MGAT4C: variants seen among roughly 807,000 people sequenced by gnomAD.
The protein encoded by MGAT4C is MGAT4 family member C.
Under a neutral mutation model 40.1 loss-of-function variants are expected in MGAT4C, and 19 were observed. That is an observed-to-expected ratio of 0.47 (90% CI 0.33 to 0.70). The LOEUF (loss-of-function observed/expected upper bound fraction) is 0.70, where lower values mean the gene tolerates loss of function less well. Ranked by LOEUF, MGAT4C falls within the 30% of genes least tolerant of loss-of-function variation. The pLI, the probability that MGAT4C is intolerant of heterozygous loss-of-function variation, is 0.02. For synonymous variants in MGAT4C, 181 were observed against 187.1 expected (o/e 0.97, Z 0.27); for missense variants, 491 against 563.2 (o/e 0.87, Z 1.30).
In MGAT4C at chr12:85,977,213, G is replaced by A. The variant is rs1407772992; in HGVS notation, c.*2076C>T. ...TAGAAAGCCATTCCCAGAAGAATAT[G>A]TAAGGGGTTACAACTCATTTCAGGG... On this transcript the variant is annotated 3_prime_UTR_variant, in exon 5 of 5. Transcript: ENST00000611864. The A allele has an allele frequency of 6.6e-6, 1 of 151,442 alleles. No homozygotes were observed. The highest frequency in any genetic ancestry group is 1.9e-4 in the East Asian group (1 of 5,168). The allele number at this position is 151,442 out of a possible 1,614,324, so 9.4% of individuals were successfully genotyped here. A position where few individuals can be genotyped will look rare whatever the true frequency, so the allele number is the denominator to read the frequency against.
At chr12:86,273,164 G>A (rs1334737930) in intron 4 of MGAT4C, among the ~76,000 whole-genome samples, 2 of 152,128 alleles carry the variant, frequency 1.3e-5, no homozygotes, top group East Asian at 3.9e-4. Flanking sequence ...ATGTAGCATG[G>A]ATGTTGATTA....
At chr12:86,029,426 C>T (rs1211205649) in intron 2 of MGAT4C, among the ~76,000 whole-genome samples, 1 of 151,820 alleles carries the variant, frequency 6.6e-6, no homozygotes. Context: ...CTTATGTAAA[C>T]TGGTTGGACA....
At chr12:86,152,312 G>A (rs1458941738) in intron 1 of MGAT4C, among the ~76,000 whole-genome samples, 1 of 152,220 alleles carries the variant, frequency 6.6e-6, no homozygotes, top group East Asian at 1.9e-4. Context: ...CAGGTTCAGT[G>A]TCTGGTGAGA....
chr12:86,105,561 G>T (rs1056020565), intron 1 of MGAT4C, among the ~76,000 whole-genome samples: 6 of 152,084 alleles, frequency 3.9e-5, no homozygotes, highest in Admixed American at 3.3e-4. Context: ...GGAGAGGGAA[G>T]AACAGAACTG....
Position 85,979,570 on chromosome 12 carries a change from G to A in MGAT4C, c.1156C>T (p.Pro386Ser). 6.2e-7 allele frequency: 1 copy of A among 1,607,244 alleles called. No individual in the cohort carries two copies. The highest frequency in any genetic ancestry group is 8.5e-7 in the Non-Finnish European group (1 of 1,177,328). The change falls in exon 5 of 5, where the codon CCA (proline) becomes TCA (serine). Residue 386 changes from proline to serine, a missense_variant. By Grantham distance (74) the Pro-to-Ser change is moderately conservative. Transcript: ENST00000611864. The part of the protein sequence containing the change: ...GDVFVIVFEN[P>S]IIIKKIKVNT... ...ACTTTAATTTTTTTTATTATAATTG[G>A]ATTTTCAAATACAATCACAAAAACA...
intron 2 of MGAT4C, among the ~76,000 whole-genome samples, chr12:86,497,001 A>C (rs995394608): frequency 1.3e-5 from 2 of 152,062 alleles, no homozygotes; most frequent in Non-Finnish European, 2.9e-5. Context: ...ACCTCTATTT[A>C]CAGTTTCAAA....
intron 4 of MGAT4C, among the ~76,000 whole-genome samples, chr12:86,309,659 T>C (rs1954021193): frequency 6.6e-6 from 1 of 152,242 alleles, no homozygotes; most frequent in Non-Finnish European, 1.5e-5. Context: ...TTTTGGGGGA[T>C]ACATGCAAAC....
At chr12:86,792,162 G>T (rs2136193926) in intron 1 of MGAT4C, among the ~76,000 whole-genome samples, 1 of 152,150 alleles carries the variant, frequency 6.6e-6, no homozygotes, top group African/African-American at 2.4e-5. Flanking sequence ...CAAAAATTAG[G>T]TCAATTTAAA....
intron 2 of MGAT4C, among the ~76,000 whole-genome samples, chr12:86,716,762 C>T (rs891994824): frequency 6.6e-6 from 1 of 151,982 alleles, no homozygotes; most frequent in Non-Finnish European, 1.5e-5. Flanking sequence ...TAGGGAGATG[C>T]CAGTTACCAA....
chr12:86,250,484 C>T (rs1011415315), intron 1 of MGAT4C, among the ~76,000 whole-genome samples: 13 of 148,584 alleles, frequency 8.7e-5, no homozygotes, highest in Non-Finnish European at 1.6e-4. Flanking sequence ...ACTTCATCAC[C>T]AATATGAGAC....
chr12:86,535,842 T>G (rs1239187466), intron 2 of MGAT4C, among the ~76,000 whole-genome samples: 2 of 152,090 alleles, frequency 1.3e-5, no homozygotes, highest in African/African-American at 2.4e-5. Flanking sequence ...ATTATACTCT[T>G]CAAGCCTTTA....
At chr12:86,811,953 A>G (rs970489429) in intron 1 of MGAT4C, among the ~76,000 whole-genome samples, 3 of 152,252 alleles carry the variant, frequency 2.0e-5, no homozygotes, top group Admixed American at 6.5e-5. Context: ...ACTTCATGCT[A>G]TACATTTTTC....
intron 2 of MGAT4C, among the ~76,000 whole-genome samples, chr12:86,698,123 A>T (rs1950292225): frequency 6.6e-6 from 1 of 152,110 alleles, no homozygotes; most frequent in Admixed American, 6.6e-5. Context: ...TTGTAACTGA[A>T]TCTTGAGAAA....
At chr12:86,787,396 C>T (rs1372935076) in intron 1 of MGAT4C, among the ~76,000 whole-genome samples, 1 of 151,866 alleles carries the variant, frequency 6.6e-6, no homozygotes, top group Non-Finnish European at 1.5e-5. Context: ...GAGTCGATTC[C>T]ATATTTTTTC....
chr12:86,439,497 T>C lies in MGAT4C; in HGVS notation c.-228-4232A>G, dbSNP rs941687092. Among the ~76,000 whole-genome samples, 13 of 151,996 alleles carry C rather than the reference T, an allele frequency of 8.6e-5. 1 individual carries two copies. Among genetic ancestry groups the C allele is most frequent in the African/African-American group, 2.4e-5 (1 of 41,408 alleles). ...AACGCAATGCTAAGAGGAAAGTCTA[T>C]AGCACTAAATACCTACATCAAAAAG... is the stretch of plus-strand genomic sequence containing the variant. On this transcript the variant is annotated intron_variant, in intron 2 of 7. Coordinates refer to the MGAT4C transcript ENST00000548651.
chr12:86,288,313 G>T (rs1047798550), intron 4 of MGAT4C, among the ~76,000 whole-genome samples: 14 of 152,076 alleles, frequency 9.2e-5, no homozygotes, highest in African/African-American at 3.4e-4. Flanking sequence ...TCACTCTGAT[G>T]ATAGTTTCTT....
intron 2 of MGAT4C, among the ~76,000 whole-genome samples, chr12:86,667,782 T>C (rs1964152620): frequency 6.6e-6 from 1 of 152,222 alleles, no homozygotes; most frequent in Non-Finnish European, 1.5e-5. Flanking sequence ...TAAAAGTCTT[T>C]CTTAGTTTGC....
intron 4 of MGAT4C, among the ~76,000 whole-genome samples, chr12:86,285,161 A>G (rs1953320269): frequency 6.6e-6 from 1 of 152,032 alleles, no homozygotes; most frequent in African/African-American, 2.4e-5. Flanking sequence ...TCCAGGTACT[A>G]GCCTTCCAGT....
chr12:86,642,480 C>T (rs1459313345), intron 2 of MGAT4C, among the ~76,000 whole-genome samples: 1 of 151,742 alleles, frequency 6.6e-6, no homozygotes, highest in Non-Finnish European at 1.5e-5. Context: ...TTATGTTATA[C>T]ATGATAGAAT....
Sources: gnomAD v4.1 joint callset for allele counts (sites outside exome capture counted in the v4.1 genomes callset) on GRCh38, gnomAD v4.1.1 for gene constraint, MANE v1.5 for transcripts, NCBI Gene and HGNC (gene_info 2026-07-23, HGNC 2026-07-21) for gene names.